The following MFSD8 variants were observed in gnomAD, a reference collection of about 807,000 sequenced individuals.
MFSD8 encodes major facilitator superfamily domain containing 8.
A neutral mutation model predicts 66.4 loss-of-function variants in MFSD8; 55 were observed. That is an observed-to-expected ratio of 0.83 (90% confidence interval 0.67 to 1.04). The LOEUF (loss-of-function observed/expected upper bound fraction) is 1.04. MFSD8 is among the 50% of genes least tolerant of loss of function. MFSD8 has a pLI of 0.00. For missense variants in MFSD8, 550 were observed against 627.6 expected (o/e 0.88, Z 1.32); for synonymous variants, 202 against 212.8 (o/e 0.95, Z 0.44).
intron 2 of MFSD8, among the ~76,000 whole-genome samples, chr4:127,955,745 C>T (rs974303284): frequency 1.3e-5 from 2 of 152,100 alleles, no homozygotes; most frequent in Admixed American, 1.3e-4. Context: ...CTTTGAGGCA[C>T]AATTGAGATT....
chr4:127,941,323 T>C (rs1261610057), intron 5 of MFSD8, among the ~76,000 whole-genome samples: 1 of 151,958 alleles, frequency 6.6e-6, no homozygotes, highest in East Asian at 1.9e-4. Flanking sequence ...GTAAGCTGAG[T>C]TGGATTCAAA....
At chr4:127,953,086 A>G (rs1418188192) in intron 2 of MFSD8, among the ~76,000 whole-genome samples, 3 of 152,068 alleles carry the variant, frequency 2.0e-5, no homozygotes, top group Non-Finnish European at 4.4e-5. Flanking sequence ...AGGTATCCAT[A>G]CTTCCTCAAC....
At chr4:127,962,786 C>T (rs1343171888) in intron 1 of MFSD8, among the ~76,000 whole-genome samples, 1 of 152,126 alleles carries the variant, frequency 6.6e-6, no homozygotes, top group African/African-American at 2.4e-5. Context: ...AGCATCTAAA[C>T]TCATTTTAAT....
At chr4:127,940,095 T>TATTG in intron 5 of MFSD8, 98 bp from the exon 6 acceptor site, 1 of 1,157,262 alleles carries the variant, frequency 8.6e-7, no homozygotes. Context: ...AACAATGTTA[T>TATTG]GGAATCATCC....
intron 9 of MFSD8, among the ~76,000 whole-genome samples, chr4:127,925,411 AT>A (rs1053637760): frequency 4.0e-5 from 6 of 151,836 alleles, no homozygotes; most frequent in African/African-American, 1.2e-4. Context: ...AAACAACCCC[AT>A]CAAAAAGTGG....
intron 7 of MFSD8, among the ~76,000 whole-genome samples, chr4:127,937,975 T>G (rs1013228187): frequency 1.8e-4 from 27 of 151,360 alleles, no homozygotes; most frequent in Admixed American, 3.3e-4. Flanking sequence ...AAATAACAGG[T>G]TTTTTTTTGG....
intron 6 of MFSD8, 192 bp from the exon 7 acceptor site, chr4:127,939,030 T>C (rs1326706714): frequency 4.7e-6 from 2 of 421,960 alleles, no homozygotes; most frequent in African/African-American, 4.0e-5. Flanking sequence ...TATCAAATTA[T>C]CATAAACAGG....
intron 7 of MFSD8, among the ~76,000 whole-genome samples, chr4:127,935,817 A>G (rs1021905296): frequency 1.3e-5 from 2 of 152,160 alleles, no homozygotes; most frequent in African/African-American, 2.4e-5. Context: ...TAATTTCTTA[A>G]ATTTACTTTA....
At chr4:127,948,235 G>A (rs966092489) in intron 3 of MFSD8, among the ~76,000 whole-genome samples, 4 of 152,060 alleles carry the variant, frequency 2.6e-5, no homozygotes, top group African/African-American at 9.7e-5. Context: ...ATGGTCAGGC[G>A]GTTGTTAACG....
intron 2 of MFSD8, among the ~76,000 whole-genome samples, chr4:127,955,564 G>T (rs919907373): frequency 6.8e-6 from 1 of 147,970 alleles, no homozygotes; most frequent in Non-Finnish European, 1.5e-5. Context: ...AAAAAATGTG[G>T]TATATACTGA....
chr4:127,927,540 G>C (rs984692908), intron 9 of MFSD8, among the ~76,000 whole-genome samples: 2 of 152,164 alleles, frequency 1.3e-5, no homozygotes, highest in Admixed American at 6.5e-5. Context: ...TAGCCCCATT[G>C]CAAGTTAAAG....
At chr4:127,922,547 C>T (rs942051915) in intron 9 of MFSD8, among the ~76,000 whole-genome samples, 13 of 151,808 alleles carry the variant, frequency 8.6e-5, no homozygotes, top group African/African-American at 2.4e-4. Context: ...ATTACTTGAG[C>T]CCAGGAGGTC....
rs1736057970 is a variant in MFSD8 at position 127,918,694 on chromosome 4, C to G, written c.*1936G>C. Reference sequence around the variant, plus strand: ...TAAGACTGTGGACTTTAAGGATAGACTGTTACTTAGACAAGTAACTTTTCT... The same window carrying G: ...TAAGACTGTGGACTTTAAGGATAGAGTGTTACTTAGACAAGTAACTTTTCT... On this transcript the variant is annotated 3_prime_UTR_variant, in exon 12 of 12. Transcript: ENST00000641686. The G allele has an allele frequency of 1.3e-5, 2 of 152,192 alleles. No individual in the cohort carries two copies. The highest frequency in any genetic ancestry group is 2.9e-5 in the Non-Finnish European group (2 of 68,040). The allele number at this position is 152,192 out of a possible 1,614,324, so 9.4% of individuals were successfully genotyped here.
At chr4:127,938,658 AG>A in intron 7 of MFSD8, 124 bp downstream of exon 7, 1 of 477,016 alleles carries the variant, frequency 2.1e-6, no homozygotes. Flanking sequence ...TCAGCTTTGA[AG>A]ATCTTCCCCA....
intron 4 of MFSD8, among the ~76,000 whole-genome samples, chr4:127,943,017 G>A (rs182423616): frequency 6.6e-6 from 1 of 152,142 alleles, no homozygotes; most frequent in African/African-American, 2.4e-5. Context: ...AGGAGTTCAA[G>A]ACCAGCCTGG....
At chr4:127,949,690 T>C (rs1221782905) in intron 3 of MFSD8, 114 bp downstream of exon 3, 5 of 881,030 alleles carry the variant, frequency 5.7e-6, no homozygotes, top group Non-Finnish European at 9.0e-6. Context: ...TATCTCATTA[T>C]TCTTGTAAAG....
In MFSD8 at chr4:127,938,843, A is replaced by C. The variant is rs751010275; in HGVS notation, c.699-5T>G. On this transcript the variant is annotated splice_polypyrimidine_tract_variant and splice_region_variant and intron_variant, in intron 6 of 11. Transcript: ENST00000641686. ...GAGTCATCCACACGATGTTCTCTTA[A>C]AAAGAAAAACACAAATATTGTACCT... The C allele has an allele frequency of 1.6e-5, 25 of 1,604,936 alleles. No homozygotes were observed. Among genetic ancestry groups the C allele is most frequent in the Non-Finnish European group, 2.1e-5 (25 of 1,173,586 alleles).
rs1474977600 is a variant in MFSD8 at position 127,922,050 on chromosome 4, A to G, written c.999-87T>C. The G allele has an allele frequency of 4.2e-6, 5 of 1,200,382 alleles. No individual in the cohort carries two copies. The East Asian group carries it at 1.0e-4, about 24-fold the overall frequency. 74.4% of individuals were successfully genotyped at this position (1,200,382 alleles called of 1,614,324 possible). A position where few individuals can be genotyped will look rare whatever the true frequency, so the allele number is the denominator to read the frequency against. On this transcript the variant is annotated intron_variant, in intron 9 of 11. Transcript: ENST00000641686. ...TTCATAATTTTAAAAACTAAAAATA[A>G]TATCTTGTACTTTTAGTGATATATC...
At chr4:127,964,873 T>G (rs1326203631) in intron 1 of MFSD8, 199 bp downstream of exon 1, 1 of 676,854 alleles carries the variant, frequency 1.5e-6, no homozygotes. Context: ...CACGGGCTCA[T>G]CACCGCACGG....
Sources: allele counts gnomAD v4.1 joint callset (sites outside exome capture counted in the v4.1 genomes callset), GRCh38; gene constraint gnomAD v4.1.1; transcripts MANE v1.5; gene names NCBI Gene and HGNC (gene_info 2026-07-23, HGNC 2026-07-21).